AOPEP: variants seen among roughly 807,000 people sequenced by gnomAD.
AOPEP encodes aminopeptidase O (putative).
A neutral mutation model predicts 98.1 loss-of-function variants in AOPEP; 77 were observed. That is an observed-to-expected ratio of 0.78 (90% CI 0.65 to 0.95). AOPEP has a LOEUF of 0.95. AOPEP is among the 40% of genes least tolerant of loss of function. The pLI is 0.00. For synonymous variants in AOPEP, 346 were observed against 365.3 expected, an observed-to-expected ratio of 0.95 and a Z score of 0.60; for missense variants, 1,024 against 1,024.7, an observed-to-expected ratio of 1.00 and a Z score of 0.01.
the AOPEP span, among the ~76,000 whole-genome samples, chr9:95,105,311 C>T: frequency 2.0e-5 from 3 of 152,258 alleles, no homozygotes; most frequent in East Asian, 5.8e-4. Context: ...CCGGCCTGGA[C>T]GGGAGCAGGA....
intron 13 of AOPEP, among the ~76,000 whole-genome samples, chr9:95,041,844 TC>T (rs1472719147): frequency 1.3e-5 from 2 of 152,004 alleles, no homozygotes; most frequent in Admixed American, 1.3e-4. Flanking sequence ...CCCGTAGACC[TC>T]CTATCTAGCC....
intron 1 of AOPEP, among the ~76,000 whole-genome samples, chr9:94,730,283 CAAA>C (rs58829632): frequency 5.0e-5 from 3 of 60,400 alleles, no homozygotes; most frequent in South Asian, 5.2e-4. Flanking sequence ...GACTCCATCT[CAAA>C]AAAAAAAAAA....
At chr9:95,149,882 G>C in the AOPEP span, 1 of 1,561,920 alleles carries the variant, frequency 6.4e-7, no homozygotes, top group Non-Finnish European at 8.7e-7. Flanking sequence ...TCTAAGAAAA[G>C]GAAAAACGAC....
chr9:95,139,642 G>GA, the AOPEP span, among the ~76,000 whole-genome samples: 431 of 151,926 alleles, frequency 2.8e-3, 9 homozygotes, highest in South Asian at 0.043. Context: ...GCTCTGGAGT[G>GA]ATGTGGCTAT....
At chr9:95,123,864 C>T in the AOPEP span, 5 of 584,762 alleles carry the variant, frequency 8.6e-6, no homozygotes, top group South Asian at 2.9e-5. Context: ...CCAAAGCCCA[C>T]GTAAGGAGTT....
intron 5 of AOPEP, among the ~76,000 whole-genome samples, chr9:94,850,534 A>C (rs1211801350): frequency 6.6e-6 from 1 of 152,152 alleles, no homozygotes; most frequent in South Asian, 2.1e-4. Flanking sequence ...TTTCCTTTTC[A>C]GAGACAAAAA....
At chr9:94,981,466 G>A (rs1027039636) in intron 11 of AOPEP, among the ~76,000 whole-genome samples, 1 of 152,176 alleles carries the variant, frequency 6.6e-6, no homozygotes, top group East Asian at 1.9e-4. Context: ...AAAAACAACA[G>A]GGTCAGACAG....
chr9:94,810,059 T>A (rs1850150502), intron 5 of AOPEP: 1 of 156,116 alleles, frequency 6.4e-6, no homozygotes, highest in Middle Eastern at 5.2e-4. Flanking sequence ...TGCCGTCATG[T>A]CACAGGTAAG....
intron 3 of AOPEP, among the ~76,000 whole-genome samples, chr9:94,778,194 G>A (rs1221321235): frequency 2.6e-5 from 4 of 152,156 alleles, no homozygotes; most frequent in Non-Finnish European, 5.9e-5. Context: ...TACATTGCTG[G>A]TGAGAGTATG....
At chr9:95,027,063 C>G (rs1020148927) in intron 13 of AOPEP, among the ~76,000 whole-genome samples, 2 of 152,058 alleles carry the variant, frequency 1.3e-5, no homozygotes, top group South Asian at 4.1e-4. Context: ...GAGTTCGAGA[C>G]CAGCCTGGGC....
At chr9:95,141,311 C>CAAA in the AOPEP span, among the ~76,000 whole-genome samples, 18 of 54,860 alleles carry the variant, frequency 3.3e-4, no homozygotes, top group Non-Finnish European at 9.1e-5. Flanking sequence ...GACCCTGTCT[C>CAAA]AAAAAAAAAA....
chr9:95,136,946 G>A, the AOPEP span, among the ~76,000 whole-genome samples: 2 of 152,190 alleles, frequency 1.3e-5, no homozygotes, highest in Non-Finnish European at 2.9e-5. Flanking sequence ...CAGTAGAGCT[G>A]CCCCCGAGAG....
intron 4 of AOPEP, among the ~76,000 whole-genome samples, chr9:94,799,529 C>CA (rs1430220255): frequency 2.0e-5 from 3 of 152,078 alleles, no homozygotes; most frequent in Non-Finnish European, 2.9e-5. Context: ...ATGACCCTGC[C>CA]ACTGCAGTCC....
chr9:94,833,038 C>A (rs1199490253), intron 5 of AOPEP, among the ~76,000 whole-genome samples: 1 of 151,098 alleles, frequency 6.6e-6, no homozygotes, highest in Non-Finnish European at 1.5e-5. Context: ...TGGGTTCAAG[C>A]GATTCTGCTG....
intron 6 of AOPEP, 133 bp downstream of exon 6, chr9:94,924,308 T>A: frequency 1.7e-6 from 1 of 586,240 alleles, no homozygotes; most frequent in Non-Finnish European, 2.6e-6. Context: ...GATGGCTGCA[T>A]AAATAAGAGA....
chr9:94,804,614 G>A (rs1301205238), intron 5 of AOPEP, among the ~76,000 whole-genome samples: 1 of 152,126 alleles, frequency 6.6e-6, no homozygotes, highest in African/African-American at 2.4e-5. Flanking sequence ...AGATAATCTT[G>A]ATAATTTGGT....
At chr9:94,770,614 A>G (rs1341557687) in intron 2 of AOPEP, among the ~76,000 whole-genome samples, 1 of 152,198 alleles carries the variant, frequency 6.6e-6, no homozygotes, top group Non-Finnish European at 1.5e-5. Context: ...GAGTGACTTC[A>G]TGACACTCAT....
At chr9:94,869,971 A>ATTTTTTTTTT (rs10556167) in intron 5 of AOPEP, among the ~76,000 whole-genome samples, 4 of 93,570 alleles carry the variant, frequency 4.3e-5, no homozygotes, top group African/African-American at 1.8e-4. Flanking sequence ...GAAGCCATGA[A>ATTTTTTTTTT]TTTTTTTTTT....
intron 10 of AOPEP, among the ~76,000 whole-genome samples, chr9:94,968,836 G>C (rs1589118052): frequency 6.6e-6 from 1 of 152,186 alleles, no homozygotes; most frequent in Non-Finnish European, 1.5e-5. Context: ...CCAGGATCTA[G>C]ATACAGAAAT....
Sources: gnomAD v4.1 joint callset for allele counts (sites outside exome capture counted in the v4.1 genomes callset) on GRCh38, gnomAD v4.1.1 for gene constraint, MANE v1.5 for transcripts, NCBI Gene and HGNC (gene_info 2026-07-23, HGNC 2026-07-21) for gene names.